Variants in TARS3 observed in about 807,000 individuals in gnomAD.
TARS3 encodes threonyl-tRNA synthetase 3, also known as threonine--tRNA ligase 2, cytoplasmic.
In TARS3, 94 loss-of-function variants were observed where a neutral mutation model predicts 103.5. The ratio of observed to expected loss-of-function variants is 0.91; its 90% confidence interval spans 0.77 to 1.08. The LOEUF (loss-of-function observed/expected upper bound fraction) is 1.08. Among genes scored for constraint, TARS3 ranks in the 50% least tolerant of loss-of-function variants. The pLI, the probability that TARS3 is intolerant of heterozygous loss-of-function variation, is 0.00. For synonymous variants in TARS3, 416 were observed against 355.4 expected (o/e 1.17, Z -1.92); for missense variants, 952 against 995.2 (o/e 0.96, Z 0.58).
chr15:101,665,663 T>G (rs1003171623), intron 15 of TARS3, among the ~76,000 whole-genome samples: 1 of 152,198 alleles, frequency 6.6e-6, no homozygotes, highest in Non-Finnish European at 1.5e-5. Context: ...CTTGGAAGAA[T>G]TAATAAGATG....
intron 10 of TARS3, among the ~76,000 whole-genome samples, chr15:101,690,757 A>G (rs1015588950): frequency 1.3e-5 from 2 of 152,218 alleles, no homozygotes; most frequent in African/African-American, 4.8e-5. Flanking sequence ...ATTCTGCAGT[A>G]AAGTTTTTTT....
intron 13 of TARS3, among the ~76,000 whole-genome samples, chr15:101,673,823 C>T (rs1302570362): frequency 6.6e-6 from 1 of 152,188 alleles, no homozygotes; most frequent in Non-Finnish European, 1.5e-5. Context: ...TAAACTGCTT[C>T]TGTGCAGCCT....
At chr15:101,678,102 T>C (rs1457567326) in intron 12 of TARS3, among the ~76,000 whole-genome samples, 1 of 150,964 alleles carries the variant, frequency 6.6e-6, no homozygotes, top group East Asian at 2.0e-4. Context: ...TGCCTCAGCA[T>C]CCTGATAGCT....
chr15:101,654,600 A>G lies in TARS3; in HGVS notation c.2391T>C (p.Asn797=), dbSNP rs116790114. The G allele has an allele frequency of 2.4e-4, 382 of 1,613,950 alleles. 1 individual carries two copies. The African/African-American group carries it at 4.3e-3, about 18-fold the overall frequency. The change falls in exon 19 of 19, where the codon AAT becomes AAC. Residue 797 remains asparagine, a synonymous_variant. Transcript: ENST00000335968. ...AAGGACTTCAAAAGGCCTCCTCAGCATTGAGTGTCCGTGTCTTCCTGAGAT... is the reference window on the plus strand; with the variant it reads ...AAGGACTTCAAAAGGCCTCCTCAGCGTTGAGTGTCCGTGTCTTCCTGAGAT... ...LKNLRKTRTL[N]AEEAF
chr15:101,715,555 A>G (rs985946875), intron 3 of TARS3, among the ~76,000 whole-genome samples: 11 of 152,200 alleles, frequency 7.2e-5, no homozygotes, highest in Non-Finnish European at 1.3e-4. Flanking sequence ...GTACATTTCT[A>G]TCCAGTGGTT....
At chr15:101,711,081 A>C (rs1044585016) in intron 5 of TARS3, among the ~76,000 whole-genome samples, 1 of 152,210 alleles carries the variant, frequency 6.6e-6, no homozygotes, top group African/African-American at 2.4e-5. Flanking sequence ...ACTATGTGAG[A>C]TGTTTGGCTG....
intron 18 of TARS3, among the ~76,000 whole-genome samples, chr15:101,656,704 A>G (rs1354035630): frequency 6.6e-6 from 1 of 152,222 alleles, no homozygotes; most frequent in East Asian, 1.9e-4. Flanking sequence ...AAACTATCCC[A>G]GGGGATTCAG....
chr15:101,694,607 C>A (rs536799503), intron 10 of TARS3, among the ~76,000 whole-genome samples: 2 of 152,278 alleles, frequency 1.3e-5, no homozygotes, highest in East Asian at 3.9e-4. Context: ...AAAAAAGACA[C>A]AGGCAGATAG....
Position 101,675,615 on chromosome 15 carries a change from C to T in TARS3, c.1773G>A (p.Trp591Ter). Reference sequence around the variant, plus strand: ...TGTCTCTTACCTTCTCAGCCTCATTCCACATCTCAATCTCTCCTAGGAAGT... The same window carrying T: ...TGTCTCTTACCTTCTCAGCCTCATTTCACATCTCAATCTCTCCTAGGAAGT... Reference protein sequence around the residue: ...PENFLGEIEMWNEAEKQLQNS... With the variant: ...PENFLGEIEM The change falls in exon 13 of 19, where the codon TGG becomes TGA. Residue 591 changes from tryptophan to a stop codon, truncating the protein, a stop_gained. Transcript: ENST00000335968. LOFTEE classifies it high-confidence loss of function. 2 of 1,613,516 alleles carry T rather than the reference C, an allele frequency of 1.2e-6. No homozygotes were observed. Among genetic ancestry groups the T allele is most frequent in the Non-Finnish European group, 1.7e-6 (2 of 1,179,828 alleles).
intron 11 of TARS3, among the ~76,000 whole-genome samples, chr15:101,685,537 T>C (rs1293242704): frequency 1.3e-5 from 2 of 152,194 alleles, no homozygotes; most frequent in Non-Finnish European, 2.9e-5. Flanking sequence ...CTCATTGATC[T>C]TGTTATAATC....
At chr15:101,665,750 A>G (rs1258947903) in intron 15 of TARS3, among the ~76,000 whole-genome samples, 1 of 152,240 alleles carries the variant, frequency 6.6e-6, no homozygotes, top group Non-Finnish European at 1.5e-5. Context: ...AAACTAGCCA[A>G]TCTTTCACCC....
chr15:101,674,594 C>T (rs1897947048), intron 13 of TARS3, among the ~76,000 whole-genome samples: 1 of 151,972 alleles, frequency 6.6e-6, no homozygotes, highest in Non-Finnish European at 1.5e-5. Flanking sequence ...ATCAGGAGGT[C>T]AGGAGATCGA....
intron 13 of TARS3, among the ~76,000 whole-genome samples, chr15:101,674,977 A>G (rs1897963653): frequency 6.6e-6 from 1 of 152,256 alleles, no homozygotes; most frequent in Non-Finnish European, 1.5e-5. Flanking sequence ...TATTCCAAGA[A>G]GAGGAGAACT....
intron 15 of TARS3, among the ~76,000 whole-genome samples, chr15:101,665,020 A>G (rs1179477134): frequency 6.6e-6 from 1 of 152,256 alleles, no homozygotes; most frequent in Non-Finnish European, 1.5e-5. Flanking sequence ...GAGTTGGTGA[A>G]TTTGAAGATA....
chr15:101,706,532 AT>A (rs1487683035), intron 6 of TARS3, among the ~76,000 whole-genome samples: 3 of 152,224 alleles, frequency 2.0e-5, no homozygotes, highest in African/African-American at 4.8e-5. Flanking sequence ...AGTGGATTCC[AT>A]TATGTTTCTA....
intron 15 of TARS3, among the ~76,000 whole-genome samples, chr15:101,669,324 G>GT (rs771114622): frequency 2.6e-5 from 4 of 152,114 alleles, no homozygotes; most frequent in Non-Finnish European, 5.9e-5. Flanking sequence ...GTGTTTTAAG[G>GT]TAAGTGCTAT....
chr15:101,700,686 C>A (rs554267657), intron 10 of TARS3, among the ~76,000 whole-genome samples: 1 of 151,526 alleles, frequency 6.6e-6, no homozygotes, highest in African/African-American at 2.4e-5. Context: ...GCTCTGTCAC[C>A]AGGCTGGAGC....
intron 15 of TARS3, among the ~76,000 whole-genome samples, chr15:101,668,403 G>A (rs763910190): frequency 1.5e-4 from 23 of 152,050 alleles, no homozygotes; most frequent in African/African-American, 2.2e-4. Flanking sequence ...GACATTTATC[G>A]GTAAAGTTCA....
At position 101,721,129 on chromosome 15, in the gene TARS3, A is replaced by AT; in HGVS notation, c.562dup (p.Ile188AsnfsTer2). 1 of 1,594,790 alleles carries AT rather than the reference A, an allele frequency of 6.3e-7. No individual in the cohort carries two copies. Among genetic ancestry groups the AT allele is most frequent in the South Asian group, 1.1e-5 (1 of 90,302 alleles). Reference sequence around the variant, plus strand: ...TCTTTTCCACACTGCGGTTTACCTAATTTCAGCAGCCACTTGGTAAGGCGT... The same window carrying AT: ...TCTTTTCCACACTGCGGTTTACCTAATTTTCAGCAGCCACTTGGTAAGGCGT... On this transcript the variant is annotated frameshift_variant, in exon 3 of 19. Transcript: ENST00000335968. LOFTEE classifies it high-confidence loss of function.
Sources: allele counts gnomAD v4.1 joint callset (sites outside exome capture counted in the v4.1 genomes callset), GRCh38; gene constraint gnomAD v4.1.1; transcripts MANE v1.5; gene names NCBI Gene and HGNC (gene_info 2026-07-23, HGNC 2026-07-21).